The following PVT1 variants were observed in gnomAD, a reference collection of about 807,000 sequenced individuals.
PVT1 encodes CXCR4/PVT1 fusion.
chr8:127,909,230 T>C (rs903411900), intron 3 of PVT1, among the ~76,000 whole-genome samples: 1 of 152,272 alleles, frequency 6.6e-6, no homozygotes, highest in Non-Finnish European at 1.5e-5. Flanking sequence ...GTTTTTGTCC[T>C]TGCCTATTGG....
intron 4 of PVT1, chr8:128,009,034 C>A (rs2130032185): frequency 2.4e-6 from 1 of 425,448 alleles, no homozygotes; most frequent in South Asian, 1.8e-5. Flanking sequence ...ACATTAATAC[C>A]TATCACTGTT....
intron 3 of PVT1, among the ~76,000 whole-genome samples, chr8:127,926,416 C>T (rs1251617888): frequency 1.3e-5 from 2 of 152,214 alleles, no homozygotes; most frequent in Non-Finnish European, 2.9e-5. Context: ...CTAATGTCCA[C>T]AGCACCACTT....
At chr8:128,002,466 T>G (rs1817191680) in intron 4 of PVT1, among the ~76,000 whole-genome samples, 1 of 152,184 alleles carries the variant, frequency 6.6e-6, no homozygotes, top group Non-Finnish European at 1.5e-5. Context: ...ACAACAGAAA[T>G]GTATTCTCTC....
chr8:127,886,728 T>C (rs1175331128), intron 2 of PVT1, among the ~76,000 whole-genome samples: 2 of 152,224 alleles, frequency 1.3e-5, no homozygotes, highest in African/African-American at 4.8e-5. Context: ...AGCATAGTTA[T>C]AATAGCTGCT....
intron 2 of PVT1, among the ~76,000 whole-genome samples, chr8:127,797,166 G>A (rs1307398575): frequency 6.6e-6 from 1 of 151,300 alleles, no homozygotes; most frequent in Non-Finnish European, 1.5e-5. Context: ...CCAAGTTGCT[G>A]GGATTACAGG....
At chr8:127,958,215 CTCT>C (rs1816594792) in intron 3 of PVT1, among the ~76,000 whole-genome samples, 1 of 151,998 alleles carries the variant, frequency 6.6e-6, no homozygotes. Flanking sequence ...CTGTTTTTTT[CTCT>C]TCTTTTTTTG....
chr8:128,001,320 T>C (rs1212378110), intron 4 of PVT1, among the ~76,000 whole-genome samples: 2 of 152,118 alleles, frequency 1.3e-5, no homozygotes, highest in Non-Finnish European at 2.9e-5. Flanking sequence ...TGGGCAGGAC[T>C]CCCTAGTGTC....
At chr8:128,037,489 G>A (rs533117512) in intron 4 of PVT1, among the ~76,000 whole-genome samples, 17 of 152,246 alleles carry the variant, frequency 1.1e-4, no homozygotes, top group African/African-American at 3.4e-4. Context: ...AGGCCGTGTC[G>A]GCAACAGGCT....
At chr8:127,859,100 A>T (rs145692991) in intron 2 of PVT1, among the ~76,000 whole-genome samples, 131 of 151,638 alleles carry the variant, frequency 8.6e-4, no homozygotes, top group Middle Eastern at 3.4e-3. Flanking sequence ...AAGCCACCAC[A>T]CCTGGCCTGA....
intron 4 of PVT1, among the ~76,000 whole-genome samples, chr8:128,006,275 T>A (rs555844412): frequency 5.4e-4 from 82 of 152,152 alleles, no homozygotes; most frequent in African/African-American, 1.8e-3. Flanking sequence ...AAGATATTTA[T>A]TCAACAGCAT....
intron 4 of PVT1, among the ~76,000 whole-genome samples, chr8:128,055,488 A>G (rs984753239): frequency 1.3e-5 from 2 of 152,240 alleles, no homozygotes; most frequent in African/African-American, 4.8e-5. Flanking sequence ...TGCCTGGCCT[A>G]GTGCTCAACA....
intron 4 of PVT1, among the ~76,000 whole-genome samples, chr8:128,041,081 C>A (rs1563673032): frequency 6.9e-6 from 1 of 144,822 alleles, no homozygotes; most frequent in East Asian, 2.1e-4. Flanking sequence ...TGTATTTGTG[C>A]ATATGTTTGT....
chr8:128,099,401 C>G (rs537540331), intron 6 of PVT1: 3 of 152,318 alleles, frequency 2.0e-5, no homozygotes, highest in African/African-American at 4.8e-5. Flanking sequence ...CCCAGAGGAG[C>G]CTGGGGCCAC....
At position 127,898,213 on chromosome 8, in the gene PVT1, AAAG is replaced by A. The variant is rs1230414423; in HGVS notation, n.782+7218_782+7220del. Among the ~76,000 whole-genome samples, 1 of 151,216 alleles carries A rather than the reference AAAG, an allele frequency of 6.6e-6. No individual in the cohort carries two copies. The highest frequency in any genetic ancestry group is 1.5e-5 in the Non-Finnish European group (1 of 67,972). On this transcript the variant is annotated intron_variant and non_coding_transcript_variant, in intron 3 of 10. Coordinates refer to ENST00000651587, the Ensembl canonical transcript of PVT1. This position sits in a 1 kb window ranked among gnomAD's most constrained non-coding sequence, Gnocchi z 4.4. ...TGTACCTGCGTGAAGAAAGAAGAGAAAAGAAAGAAAAGAAAGAAAGAAAGAAAG... is the reference window on the plus strand; with the variant it reads ...TGTACCTGCGTGAAGAAAGAAGAGAAAAAGAAAAGAAAGAAAGAAAGAAAG...
intron 4 of PVT1, among the ~76,000 whole-genome samples, chr8:128,022,426 G>A (rs909609534): frequency 4.6e-5 from 7 of 152,228 alleles, no homozygotes; most frequent in African/African-American, 1.7e-4. Flanking sequence ...CTTTCATTCT[G>A]TATAGGGTGA....
At chr8:128,038,513 C>T (rs1017822926) in intron 4 of PVT1, among the ~76,000 whole-genome samples, 7 of 152,106 alleles carry the variant, frequency 4.6e-5, no homozygotes, top group Admixed American at 6.5e-5. Flanking sequence ...AGGTGCGGCA[C>T]GTGAATGGGC....
intron 2 of PVT1, among the ~76,000 whole-genome samples, chr8:127,880,301 TTTTC>T (rs1586419373): frequency 6.6e-6 from 1 of 152,120 alleles, no homozygotes; most frequent in East Asian, 1.9e-4. Context: ...ACAATTCCTT[TTTTC>T]TTTGAGACGG....
intron 2 of PVT1, among the ~76,000 whole-genome samples, chr8:127,845,151 G>C (rs1229724531): frequency 6.6e-6 from 1 of 152,176 alleles, no homozygotes; most frequent in Non-Finnish European, 1.5e-5. Flanking sequence ...GCCCTTTGCA[G>C]GGTATAAAAT....
At chr8:127,863,811 T>C (rs1815255645) in intron 2 of PVT1, among the ~76,000 whole-genome samples, 1 of 152,170 alleles carries the variant, frequency 6.6e-6, no homozygotes, top group African/African-American at 2.4e-5. Flanking sequence ...GGACCCGGTG[T>C]CTGGGCCCAC....
Sources: gnomAD v4.1 joint callset for allele counts (sites outside exome capture counted in the v4.1 genomes callset) on GRCh38, gnomAD v4.1.1 for gene constraint, Gnocchi (gnomAD v3.1) non-coding constraint, MANE v1.5 for transcripts, NCBI Gene and HGNC (gene_info 2026-07-23, HGNC 2026-07-21) for gene names.